Variants in PREX1 observed in about 807,000 individuals in gnomAD.
PREX1 encodes phosphatidylinositol 3,4,5-trisphosphate-dependent Rac exchanger 1 protein.
Under a neutral mutation model 198.3 loss-of-function variants are expected in PREX1, and 41 were observed. The ratio of observed to expected loss-of-function variants is 0.21; its 90% CI spans 0.16 to 0.27. The LOEUF (loss-of-function observed/expected upper bound fraction) is 0.27. Ranked by LOEUF, PREX1 falls within the 10% of genes least tolerant of loss-of-function variation. PREX1 has a pLI of 1.00. For synonymous variants in PREX1, 843 were observed against 887.2 expected (o/e 0.95, Z 0.89); for missense variants, 1,620 against 2,200.7 (o/e 0.74, Z 5.28).
At chr20:48,833,388 T>C in the PREX1 span, among the ~76,000 whole-genome samples, 6 of 152,052 alleles carry the variant, frequency 3.9e-5, no homozygotes, top group Non-Finnish European at 7.4e-5. Flanking sequence ...TATTAAAAGA[T>C]AATAAAATGT....
In PREX1 at chr20:48,751,540, C is replaced by A. The variant is rs577451843; in HGVS notation, c.220-3660G>T. On this transcript the variant is annotated intron_variant, in intron 1 of 39. Coordinates refer to ENST00000371941, the MANE Select transcript of PREX1 (RefSeq NM_020820.4). ...TGGGCAGCAGAGGCTCTGGGACCAG[C>A]CCTCCTGCTGCCCAAGGCACGACTG... Among the ~76,000 whole-genome samples the A allele has an allele frequency of 7.2e-5, 11 of 152,356 alleles. No homozygotes were observed. In the South Asian group the frequency reaches 2.1e-3, roughly 29 times the overall value.
intron 5 of PREX1, among the ~76,000 whole-genome samples, chr20:48,717,980 G>C (rs764005650): frequency 6.6e-6 from 1 of 152,234 alleles, no homozygotes; most frequent in African/African-American, 2.4e-5. Context: ...CCCTGGACTT[G>C]CGTTTCCACC....
At position 48,776,624 on chromosome 20, in the gene PREX1, TG is replaced by T. The variant is rs575430109; in HGVS notation, c.220-28745del. The stretch of plus-strand genomic sequence containing the variant: ...AATTCCAGAACACTGCTTGTAGGGC[TG>T]GAGGCCTCTACTTTGCTCTCTGCCT... On this transcript the variant is annotated intron_variant, in intron 1 of 39. Coordinates refer to ENST00000371941, the MANE Select transcript of PREX1 (RefSeq NM_020820.4). Among the ~76,000 whole-genome samples, 847 of 152,350 alleles carry T rather than the reference TG, an allele frequency of 5.6e-3. 1 individual carries two copies. The highest frequency in any genetic ancestry group is 8.2e-3 in the Non-Finnish European group (559 of 68,028).
chr20:48,682,859 A>C (rs2089760887), intron 10 of PREX1, among the ~76,000 whole-genome samples: 1 of 152,162 alleles, frequency 6.6e-6, no homozygotes, highest in Non-Finnish European at 1.5e-5. Flanking sequence ...GAGCCTGAGC[A>C]CCCTGCTTAT....
At chr20:48,741,835 G>T (rs1350700400) in intron 3 of PREX1, among the ~76,000 whole-genome samples, 1 of 152,214 alleles carries the variant, frequency 6.6e-6, no homozygotes, top group African/African-American at 2.4e-5. Context: ...GTCCAGCAGA[G>T]GAAGCGGCCT....
chr20:48,650,633 C>T (rs548827311), intron 23 of PREX1, among the ~76,000 whole-genome samples: 2 of 152,368 alleles, frequency 1.3e-5, no homozygotes, highest in Admixed American at 1.3e-4. Context: ...TATCAAGGGC[C>T]AACGTGTCCC....
chr20:48,776,049 A>G (rs1188992242), intron 1 of PREX1, among the ~76,000 whole-genome samples: 1 of 152,148 alleles, frequency 6.6e-6, no homozygotes, highest in Non-Finnish European at 1.5e-5. Context: ...CAGGGGGAAG[A>G]GACAAGCATC....
At chr20:48,648,202 C>A (rs2089465413) in intron 25 of PREX1, among the ~76,000 whole-genome samples, 1 of 152,220 alleles carries the variant, frequency 6.6e-6, no homozygotes, top group Non-Finnish European at 1.5e-5. Context: ...CCACTGTACC[C>A]AGCCCACTGG....
At chr20:48,828,028 A>C (rs920540010), upstream of PREX1, 26 of 151,430 alleles carry the variant, frequency 1.7e-4, no homozygotes, top group South Asian at 4.8e-3. Flanking sequence ...CCGGGGGCGG[A>C]GGCAGCGCGC....
intron 1 of PREX1, among the ~76,000 whole-genome samples, chr20:48,760,663 G>A (rs185922452): frequency 6.6e-6 from 1 of 152,282 alleles, no homozygotes; most frequent in African/African-American, 2.4e-5. Context: ...GACTAGGAAA[G>A]GGGCAGGAAG....
At chr20:48,842,980 T>C in the PREX1 span, among the ~76,000 whole-genome samples, 1 of 152,316 alleles carries the variant, frequency 6.6e-6, no homozygotes, top group Non-Finnish European at 1.5e-5. Flanking sequence ...TGGCACCATT[T>C]AGATAATCAA....
chr20:48,670,601 C>T (rs887550362), intron 14 of PREX1, among the ~76,000 whole-genome samples: 1 of 152,192 alleles, frequency 6.6e-6, no homozygotes, highest in African/African-American at 2.4e-5. Context: ...TGGCTTCCCC[C>T]GATTCAAAGC....
intron 24 of PREX1, 67 bp from the exon 25 acceptor site, chr20:48,649,643 A>T: frequency 2.0e-6 from 3 of 1,487,530 alleles, no homozygotes; most frequent in Non-Finnish European, 2.7e-6. Flanking sequence ...TTTGGGCGGA[A>T]CAATACAAAC....
At chr20:48,757,957 A>G (rs1360578408) in intron 1 of PREX1, among the ~76,000 whole-genome samples, 3 of 152,248 alleles carry the variant, frequency 2.0e-5, no homozygotes, top group African/African-American at 7.2e-5. Flanking sequence ...TGCACAGAGA[A>G]TGCAGGGAGT....
intron 38 of PREX1, 100 bp from the exon 39 acceptor site, chr20:48,627,715 G>A (rs1601023655): frequency 1.4e-6 from 2 of 1,452,268 alleles, no homozygotes; most frequent in East Asian, 4.6e-5. Flanking sequence ...CAAGGACCCA[G>A]AAGCTAAGAT....
chr20:48,659,851 G>T, intron 16 of PREX1, 68 bp downstream of exon 16: 8 of 1,603,570 alleles, frequency 5.0e-6, no homozygotes, highest in East Asian at 4.5e-5. Context: ...TAACCAGAAG[G>T]TCGCCCAGCT....
the PREX1 span, among the ~76,000 whole-genome samples, chr20:48,853,378 A>G: frequency 6.6e-6 from 1 of 152,196 alleles, no homozygotes; most frequent in East Asian, 1.9e-4. Flanking sequence ...GAAACTTACA[A>G]TCATGGCTGA....
rs377504574 is a variant in PREX1 at position 48,625,872 on chromosome 20, G to C, written c.*13C>G. On this transcript the variant is annotated 3_prime_UTR_variant, in exon 40 of 40. Transcript: ENST00000371941. ...CTCCAGAGGCCGCGGCCCAGCGTGG[G>C]GCATTTGGGTGTTCAGAGGTCCCCA... is the stretch of plus-strand genomic sequence containing the variant. The C allele has an allele frequency of 6.4e-7, 1 of 1,561,466 alleles. No individual in the cohort carries two copies. The highest frequency in any genetic ancestry group is 1.2e-5 in the South Asian group (1 of 85,362).
At chr20:48,792,206 T>G (rs1284580651) in intron 1 of PREX1, among the ~76,000 whole-genome samples, 1 of 152,224 alleles carries the variant, frequency 6.6e-6, no homozygotes, top group Non-Finnish European at 1.5e-5. Flanking sequence ...CCAGGCGTGG[T>G]GGCTCATGCC....
Sources: allele counts gnomAD v4.1 joint callset (sites outside exome capture counted in the v4.1 genomes callset), GRCh38; gene constraint gnomAD v4.1.1; transcripts MANE v1.5; gene names NCBI Gene and HGNC (gene_info 2026-07-23, HGNC 2026-07-21).